Variants in FLT4 observed in about 807,000 individuals in gnomAD.
FLT4 encodes the protein fms related receptor tyrosine kinase 4, also known as vascular endothelial growth factor receptor 3.
A neutral mutation model predicts 163.2 loss-of-function variants in FLT4; 30 were observed. The ratio of observed to expected loss-of-function variants is 0.18; its 90% CI spans 0.14 to 0.25. The LOEUF (loss-of-function observed/expected upper bound fraction) is 0.25. FLT4 is among the 10% of genes least tolerant of loss of function. The pLI, the probability that FLT4 is intolerant of heterozygous loss-of-function variation, is 1.00. For synonymous variants in FLT4, 884 were observed against 789.5 expected, an observed-to-expected ratio of 1.12 and a Z score of -2.01; for missense variants, 1,510 against 1,863.8, an observed-to-expected ratio of 0.81 and a Z score of 3.50.
rs114547815 is a variant in FLT4 at position 180,639,447 on chromosome 5, A to G, written c.59-7669T>C. 2.4e-3 allele frequency among the ~76,000 whole-genome samples: 361 copies of G among 152,146 alleles called. 2 individuals carry two copies. Among genetic ancestry groups the G allele is most frequent in the African/African-American group, 8.4e-3 (348 of 41,496 alleles). On this transcript the variant is annotated intron_variant, in intron 1 of 29. Coordinates refer to ENST00000261937, the MANE Select transcript of FLT4 (RefSeq NM_182925.5). ...GATGGATCAACAGATGGAAGGATGC[A>G]TGGATGGGTAGATTGAACAGAAGGA...
chr5:180,613,381 C>T (rs1306966412), intron 24 of FLT4: 4 of 437,852 alleles, frequency 9.1e-6, no homozygotes, highest in Non-Finnish European at 1.2e-5. Flanking sequence ...ACTGGCGACA[C>T]GGTAGACATC....
chr5:180,607,402 C>T (rs545915430), intron 29 of FLT4, among the ~76,000 whole-genome samples: 15 of 151,922 alleles, frequency 9.9e-5, no homozygotes, highest in Non-Finnish European at 2.1e-4. Flanking sequence ...TTTGGGAGGC[C>T]GAGGGCGGGC....
At chr5:180,638,306 C>T (rs1764840391) in intron 1 of FLT4, among the ~76,000 whole-genome samples, 1 of 152,196 alleles carries the variant, frequency 6.6e-6, no homozygotes, top group South Asian at 2.1e-4. Flanking sequence ...CCTCCAGCCC[C>T]ACCAAAGGCT....
chr5:180,610,105 C>G (rs147580317), intron 27 of FLT4, 80 bp from the exon 28 acceptor site: 4 of 1,602,250 alleles, frequency 2.5e-6, no homozygotes, highest in Non-Finnish European at 3.4e-6. Flanking sequence ...CCCTGTGCCC[C>G]CTCTTCTCCT....
chr5:180,622,577 G>A (rs974978597), intron 12 of FLT4, among the ~76,000 whole-genome samples, 154 bp downstream of exon 12: 2 of 152,170 alleles, frequency 1.3e-5, no homozygotes, highest in Non-Finnish European at 2.9e-5. Flanking sequence ...CAGGCCCTAT[G>A]CTGGTGACCC....
chr5:180,641,531 G>A (rs1233720202), intron 1 of FLT4, among the ~76,000 whole-genome samples: 5 of 152,220 alleles, frequency 3.3e-5, no homozygotes, highest in Non-Finnish European at 7.3e-5. Context: ...GCAGACTGGA[G>A]GGAGCTGGCG....
intron 29 of FLT4, among the ~76,000 whole-genome samples, chr5:180,607,628 G>A (rs192824109): frequency 1.8e-5 from 2 of 114,158 alleles, no homozygotes; most frequent in East Asian, 4.9e-4. Context: ...GAGACAGAGC[G>A]AGACTGTCTC....
Position 180,619,136 on chromosome 5 carries a change from G to A in FLT4, c.2762-27C>T, listed in dbSNP as rs749141088. ...TGCGGCGGGACCGGGCGGCGGCCGT[G>A]CGTTCGGAACCCGGGGCGCGCTGCG... On this transcript the variant is annotated intron_variant, in intron 19 of 29. Coordinates refer to ENST00000261937, the MANE Select transcript of FLT4 (RefSeq NM_182925.5). 618 of 1,467,966 alleles carry A rather than the reference G, an allele frequency of 4.2e-4. 2 individuals carry two copies. Among genetic ancestry groups the A allele is most frequent in the Non-Finnish European group, 5.3e-4 (589 of 1,106,570 alleles). The allele number at this position is 1,467,966 out of a possible 1,614,324, so 90.9% of individuals were successfully genotyped here.
At chr5:180,607,938 A>C (rs1761891330) in intron 29 of FLT4, 1 of 606,592 alleles carries the variant, frequency 1.6e-6, no homozygotes, top group Non-Finnish European at 2.9e-6. Context: ...TCAAGCAGTA[A>C]CGCCAGTGTC....
intron 29 of FLT4, among the ~76,000 whole-genome samples, chr5:180,605,759 T>TC (rs1761749094): frequency 6.6e-6 from 1 of 152,184 alleles, no homozygotes; most frequent in African/African-American, 2.4e-5. Context: ...AGCTAGGCCC[T>TC]CCACTGGCTG....
intron 1 of FLT4, among the ~76,000 whole-genome samples, 187 bp downstream of exon 1, chr5:180,649,301 C>T (rs1765634999): frequency 6.6e-6 from 1 of 151,882 alleles, no homozygotes; most frequent in Non-Finnish European, 1.5e-5. Flanking sequence ...GCGGTCCCCG[C>T]CCGCCCCTTC....
chr5:180,640,115 T>C (rs944121768), intron 1 of FLT4, among the ~76,000 whole-genome samples: 2 of 152,134 alleles, frequency 1.3e-5, no homozygotes, highest in Non-Finnish European at 2.9e-5. Flanking sequence ...AGGAGGGTCC[T>C]GCACCTCCCC....
chr5:180,633,287 G>A (rs189243315), intron 1 of FLT4, among the ~76,000 whole-genome samples: 1 of 152,224 alleles, frequency 6.6e-6, no homozygotes, highest in East Asian at 1.9e-4. Context: ...GTCCAGAGCA[G>A]GAAGGGCCTT....
intron 29 of FLT4, among the ~76,000 whole-genome samples, chr5:180,605,047 A>G (rs1761715695): frequency 1.3e-5 from 2 of 152,010 alleles, no homozygotes; most frequent in Admixed American, 6.6e-5. Flanking sequence ...TGCATCCTCG[A>G]CCTTCTGGGC....
In FLT4 at chr5:180,636,834, C is replaced by T. The variant is rs1199846447; in HGVS notation, c.59-5056G>A. 1.3e-5 allele frequency among the ~76,000 whole-genome samples: 2 copies of T among 152,068 alleles called. No homozygotes were observed. Among genetic ancestry groups the T allele is most frequent in the Non-Finnish European group, 2.9e-5 (2 of 68,006 alleles). On this transcript the variant is annotated intron_variant, in intron 1 of 29. Coordinates refer to ENST00000261937, the MANE Select transcript of FLT4 (RefSeq NM_182925.5). The surrounding 1 kb of genome is among the most constrained non-coding windows in gnomAD (Gnocchi z 4.3). ...TCCTCCCCACCCCTTGGTGCCCTCC[C>T]GGTGCTGCCCCGTCCTGGTGCGTGG...
intron 1 of FLT4, among the ~76,000 whole-genome samples, chr5:180,648,180 G>A (rs1451281621): frequency 2.6e-5 from 4 of 152,220 alleles, no homozygotes; most frequent in Non-Finnish European, 5.9e-5. Context: ...GCCTGGTCCT[G>A]GGCTGGGTCC....
At chr5:180,622,028 T>A in intron 12 of FLT4, 124 bp from the exon 13 acceptor site, 1 of 1,164,036 alleles carries the variant, frequency 8.6e-7, no homozygotes, top group Non-Finnish European at 1.2e-6. Flanking sequence ...CCAGCTGGAC[T>A]GCTTGCCCCC....
At chr5:180,619,889 G>C (rs1424854405) in intron 17 of FLT4, 120 bp from the exon 18 acceptor site, 2 of 761,578 alleles carry the variant, frequency 2.6e-6, no homozygotes, top group Non-Finnish European at 4.4e-6. Context: ...GGAGGAGCGT[G>C]GGGAGCCACA....
At chr5:180,606,695 G>T (rs943061274) in intron 29 of FLT4, among the ~76,000 whole-genome samples, 2 of 152,110 alleles carry the variant, frequency 1.3e-5, no homozygotes, top group Non-Finnish European at 2.9e-5. Flanking sequence ...GTTTGGTGAC[G>T]AAAAATTAGC....
Sources: gnomAD v4.1 joint callset for allele counts (sites outside exome capture counted in the v4.1 genomes callset) on GRCh38, gnomAD v4.1.1 for gene constraint, Gnocchi (gnomAD v3.1) non-coding constraint, MANE v1.5 for transcripts, NCBI Gene and HGNC (gene_info 2026-07-23, HGNC 2026-07-21) for gene names.